FHDC1: variants seen among roughly 807,000 people sequenced by gnomAD.
The protein encoded by FHDC1 is FH2 domain containing 1.
In FHDC1, 25 loss-of-function variants were observed where a neutral mutation model predicts 52.6. That is an observed-to-expected ratio of 0.48 (90% CI 0.35 to 0.66). The LOEUF (loss-of-function observed/expected upper bound fraction) is 0.66. FHDC1 is among the 30% of genes least tolerant of loss of function. FHDC1 has a pLI of 0.01. For synonymous variants in FHDC1, 616 were observed against 581.5 expected (o/e 1.06, Z -0.85); for missense variants, 1,459 against 1,452.8 (o/e 1.00, Z -0.07).
intron 1 of FHDC1, among the ~76,000 whole-genome samples, chr4:152,942,227 C>T (rs1739593135): frequency 6.6e-6 from 1 of 152,130 alleles, no homozygotes; most frequent in Admixed American, 6.6e-5. Flanking sequence ...AATGTGTTCT[C>T]CTAATTTTAC....
chr4:152,976,505 A>C lies in FHDC1; in HGVS notation c.3214A>C (p.Lys1072Gln). The C allele has an allele frequency of 6.2e-7, 1 of 1,613,394 alleles. No individual in the cohort carries two copies. Among genetic ancestry groups the C allele is most frequent in the Non-Finnish European group, 8.5e-7 (1 of 1,180,010 alleles). Residue 1072 changes from lysine (K) to glutamine (Q), a missense_variant, in exon 12 of 12, where the codon AAA (lysine) becomes CAA (glutamine). Lys to Gln is a moderately conservative substitution (Grantham distance 53, BLOSUM62 1). This residue lies in a region of FHDC1 where 939 missense variants were observed against 854.5 expected (regional missense o/e 1.10). Transcript: ENST00000511601. ...RTVSQRQLRV[K>Q]GDPEDAAPKD... Reference sequence around the variant, plus strand: ...AGTGTCGCAGCGGCAGCTGAGGGTGAAAGGGGACCCCGAGGATGCCGCTCC... The same window carrying C: ...AGTGTCGCAGCGGCAGCTGAGGGTGCAAGGGGACCCCGAGGATGCCGCTCC...
chr4:152,928,235 C>T, the FHDC1 span: 5 of 724,860 alleles, frequency 6.9e-6, no homozygotes, highest in Non-Finnish European at 1.3e-5. Flanking sequence ...ACAGGGAGCT[C>T]CTCCCCAATG....
chr4:152,959,333 T>A (rs1740203242), intron 4 of FHDC1, among the ~76,000 whole-genome samples: 1 of 152,262 alleles, frequency 6.6e-6, no homozygotes, highest in African/African-American at 2.4e-5. Context: ...GATCTAATGT[T>A]GTTTGAAAAC....
Position 152,978,086 on chromosome 4 carries a change from C to G in FHDC1, c.*1363C>G, listed in dbSNP as rs1740955382. 1 of 152,198 alleles carries G rather than the reference C, an allele frequency of 6.6e-6. No homozygotes were observed. The highest frequency in any genetic ancestry group is 2.4e-5 in the African/African-American group (1 of 41,424). 9.4% of individuals were successfully genotyped at this position (152,198 alleles called of 1,614,324 possible). A position where few individuals can be genotyped will look rare whatever the true frequency, so the allele number is the denominator to read the frequency against. ...GCTTCCCTGCAGATGGGTGGCAGCC[C>G]CTGGTAGAATGCTGGATTTCTCTGG... On this transcript the variant is annotated 3_prime_UTR_variant, in exon 12 of 12. Transcript: ENST00000511601.
chr4:152,974,921 G>A lies in FHDC1; in HGVS notation c.1630G>A (p.Gly544Ser). 1 of 1,612,110 alleles carries A rather than the reference G, an allele frequency of 6.2e-7. No individual in the cohort carries two copies. The highest frequency in any genetic ancestry group is 8.5e-7 in the Non-Finnish European group (1 of 1,179,766). ...PNTRRSRLSL[G>S]PSADRELLTF... is the part of the protein sequence containing the mutation. ...CACCCGCCGCTCCCGCCTCTCCCTG[G>A]GTCCCTCTGCTGACCGGGAGCTGCT... Residue 544 changes from glycine (G) to serine (S), a missense_variant, in exon 12 of 12, where the codon GGT becomes AGT. Gly to Ser is a moderately conservative substitution (Grantham distance 56). Transcript: ENST00000511601.
chr4:152,975,853 C>T lies in FHDC1; in HGVS notation c.2562C>T (p.Thr854=), dbSNP rs150061455. 1.1e-4 allele frequency: 165 copies of T among 1,514,940 alleles called. No homozygotes were observed. The African/African-American group carries it at 2.0e-3, about 18-fold the overall frequency. 93.8% of individuals were successfully genotyped at this position (1,514,940 alleles called of 1,614,324 possible). A position where few individuals can be genotyped will look rare whatever the true frequency, so the allele number is the denominator to read the frequency against. Residue 854 remains threonine, a synonymous_variant, in exon 12 of 12, where the codon ACC becomes ACT. Coordinates refer to ENST00000511601, the MANE Select transcript of FHDC1 (RefSeq NM_001371116.1). ...GCGGCCTGCCCAGGGACAAACCCAC[C>T]AAAAGGAAAGATGTTGTAGCACCAA... ...CKGGLPRDKP[T]KRKDVVAPKR...
chr4:152,961,761 C>T (rs905680651), intron 6 of FHDC1, among the ~76,000 whole-genome samples: 7 of 152,102 alleles, frequency 4.6e-5, no homozygotes, highest in East Asian at 1.9e-4. Flanking sequence ...TTTGGTCCAT[C>T]GTATTTTCTT....
At position 152,975,811 on chromosome 4, in the gene FHDC1, T is replaced by TGAGCCCAGC. The variant is rs931820909; in HGVS notation, c.2521_2529dup (p.Glu841_Ser843dup). The TGAGCCCAGC allele has an allele frequency of 2.6e-6, 4 of 1,523,376 alleles. No homozygotes were observed. Among genetic ancestry groups the TGAGCCCAGC allele is most frequent in the Non-Finnish European group, 3.5e-6 (4 of 1,137,108 alleles). The allele number at this position is 1,523,376 out of a possible 1,614,324, so 94.4% of individuals were successfully genotyped here. A position where few individuals can be genotyped will look rare whatever the true frequency, so the allele number is the denominator to read the frequency against. ...CTCCTGCCCCCGTCTCTGTGGATAG[T>TGAGCCCAGC]GAGCCCAGCTGCAAGGGCGGCCTGC... is the stretch of plus-strand genomic sequence containing the variant. On this transcript the variant is annotated inframe_insertion, in exon 12 of 12. Coordinates refer to ENST00000511601, the MANE Select transcript of FHDC1 (RefSeq NM_001371116.1).
chr4:152,945,404 A>G (rs1739700103), intron 2 of FHDC1, among the ~76,000 whole-genome samples: 1 of 152,212 alleles, frequency 6.6e-6, no homozygotes, highest in Non-Finnish European at 1.5e-5. Flanking sequence ...TTTAAAAATT[A>G]TTTTTAATTG....
In FHDC1 at chr4:152,970,751, A is replaced by G. The variant is rs1352190472; in HGVS notation, c.1219-1626A>G. On this transcript the variant is annotated intron_variant, in intron 10 of 11. Transcript: ENST00000511601. ...TACTTTCTCTGGTATTTGGTTTCCT[A>G]CATAGTTTTCGTTTCTTACTACCTC... Among the ~76,000 whole-genome samples, 4 of 152,188 alleles carry G rather than the reference A, an allele frequency of 2.6e-5. No homozygotes were observed. The East Asian group carries it at 7.7e-4, about 29-fold the overall frequency.
chr4:152,975,888 C>A lies in FHDC1; in HGVS notation c.2597C>A (p.Ser866Tyr). The A allele has an allele frequency of 6.6e-7, 1 of 1,514,372 alleles. No homozygotes were observed. Among genetic ancestry groups the A allele is most frequent in the East Asian group, 2.3e-5 (1 of 44,004 alleles). 93.8% of individuals were successfully genotyped at this position (1,514,372 alleles called of 1,614,324 possible). ...GATGTTGTAGCACCAAAGAGAGGCTCCCTGAAAGAGGCGTCTCCCGGGGCC... is the reference window on the plus strand; with the variant it reads ...GATGTTGTAGCACCAAAGAGAGGCTACCTGAAAGAGGCGTCTCCCGGGGCC... Reference protein sequence around the residue: ...RKDVVAPKRGSLKEASPGASK... With the variant: ...RKDVVAPKRGYLKEASPGASK... Residue 866 changes from serine to tyrosine, a missense_variant, in exon 12 of 12, where the codon TCC becomes TAC. Around this residue, in one of 3 missense-constraint regions of FHDC1, gnomAD observed 939 missense variants for 854.5 expected, o/e 1.10. Transcript: ENST00000511601.
chr4:152,976,736 C>G lies in FHDC1; in HGVS notation c.*13C>G, dbSNP rs775202167. On this transcript the variant is annotated 3_prime_UTR_variant, in exon 12 of 12. Transcript: ENST00000511601. Reference sequence around the variant, plus strand: ...CTTACGGAAGTGATGGGTGCCTGTCCTCTCCTGCCTCCTGGGATTCAGACG... The same window carrying G: ...CTTACGGAAGTGATGGGTGCCTGTCGTCTCCTGCCTCCTGGGATTCAGACG... 4.8e-6 allele frequency: 7 copies of G among 1,459,596 alleles called. No individual in the cohort carries two copies. Among genetic ancestry groups the G allele is most frequent in the Non-Finnish European group, 6.3e-6 (7 of 1,102,438 alleles). 90.4% of individuals were successfully genotyped at this position (1,459,596 alleles called of 1,614,324 possible). A position where few individuals can be genotyped will look rare whatever the true frequency, so the allele number is the denominator to read the frequency against.
upstream of FHDC1, among the ~76,000 whole-genome samples, chr4:152,935,814 T>C (rs900734142): frequency 2.0e-5 from 3 of 146,564 alleles, no homozygotes; most frequent in Non-Finnish European, 4.5e-5. Context: ...GGCGCGTGCG[T>C]CGGGGGGCGT....
At chr4:152,944,949 T>C (rs1321594921) in intron 2 of FHDC1, among the ~76,000 whole-genome samples, 2 of 152,206 alleles carry the variant, frequency 1.3e-5, no homozygotes, top group East Asian at 3.8e-4. Context: ...TTTCTCACTA[T>C]TGTCTGCCAG....
At chr4:152,951,337 CA>C (rs1467445259) in intron 2 of FHDC1, among the ~76,000 whole-genome samples, 1 of 152,114 alleles carries the variant, frequency 6.6e-6, no homozygotes, top group Non-Finnish European at 1.5e-5. Context: ...TTGAGTTTGA[CA>C]GGTTTTATTC....
At chr4:152,925,807 T>C in the FHDC1 span, among the ~76,000 whole-genome samples, 1 of 151,082 alleles carries the variant, frequency 6.6e-6, no homozygotes. Flanking sequence ...TTATAGTAAC[T>C]ATTTTAGTGA....
rs1160143249 is a variant in FHDC1 at position 152,943,240 on chromosome 4, C to T, written c.183C>T (p.Pro61=). The T allele has an allele frequency of 6.2e-7, 1 of 1,608,116 alleles. No individual in the cohort carries two copies. Among genetic ancestry groups the T allele is most frequent in the Non-Finnish European group, 8.5e-7 (1 of 1,176,994 alleles). ...AGTGTCCTTCCTCCCCTCCTCCACC[C>T]CCACCACCTCCACTTCCTGGGGAGC... ...REECPSSPPP[P]PPPPLPGEPP... is the part of the protein sequence containing the mutation. Residue 61 remains proline, a synonymous_variant, in exon 2 of 12, where the codon CCC becomes CCT. Transcript: ENST00000511601.
chr4:152,921,576 TCCTTCCTTCCTC>T, the FHDC1 span, among the ~76,000 whole-genome samples: 218 of 141,992 alleles, frequency 1.5e-3, 2 homozygotes, highest in East Asian at 0.029. Context: ...CTTCCTTCCT[TCCTTCCTTCCTC>T]CCTCCCTCCC....
intron 2 of FHDC1, among the ~76,000 whole-genome samples, chr4:152,951,139 G>A (rs778517122): frequency 4.6e-5 from 7 of 152,212 alleles, no homozygotes; most frequent in Non-Finnish European, 8.8e-5. Context: ...GCACTTTCAT[G>A]AAAGGAATAC....
Sources: allele counts gnomAD v4.1 joint callset (sites outside exome capture counted in the v4.1 genomes callset), GRCh38; gene constraint gnomAD v4.1.1; regional missense constraint gnomAD v4.1.1; transcripts MANE v1.5; gene names NCBI Gene and HGNC (gene_info 2026-07-23, HGNC 2026-07-21).